Variants in ZFPM2 observed in about 807,000 individuals in gnomAD.
ZFPM2 encodes the protein zinc finger protein ZFPM2.
Under a neutral mutation model 98.6 loss-of-function variants are expected in ZFPM2, and 20 were observed. The observed-to-expected ratio is 0.20, with a 90% CI of 0.14 to 0.29. The LOEUF (loss-of-function observed/expected upper bound fraction) is 0.29. Among genes scored for constraint, ZFPM2 ranks in the 10% least tolerant of loss-of-function variants. The pLI is 1.00. For missense variants in ZFPM2, 1,310 were observed against 1,388.6 expected, an observed-to-expected ratio of 0.94 and a Z score of 0.90; for synonymous variants, 518 against 502.7, an observed-to-expected ratio of 1.03 and a Z score of -0.41.
chr8:105,739,289 A>G (rs961301923), intron 5 of ZFPM2, among the ~76,000 whole-genome samples: 1 of 152,088 alleles, frequency 6.6e-6, no homozygotes, highest in Non-Finnish European at 1.5e-5. Context: ...TTAGCATGGT[A>G]ACGGATACAG....
At chr8:105,357,087 C>T (rs891147784) in intron 1 of ZFPM2, among the ~76,000 whole-genome samples, 6 of 140,006 alleles carry the variant, frequency 4.3e-5, no homozygotes, top group South Asian at 2.3e-4. Context: ...GCTTCTGTTC[C>T]GGTGAAGTAG....
At chr8:105,497,748 C>T (rs1813504266) in intron 3 of ZFPM2, among the ~76,000 whole-genome samples, 2 of 151,938 alleles carry the variant, frequency 1.3e-5, no homozygotes, top group Non-Finnish European at 2.9e-5. Flanking sequence ...GGTCGATAGG[C>T]GGTAGTGAGA....
chr8:105,364,512 C>T (rs1165097132), intron 1 of ZFPM2, among the ~76,000 whole-genome samples: 2 of 152,016 alleles, frequency 1.3e-5, no homozygotes, highest in Non-Finnish European at 2.9e-5. Flanking sequence ...ACAAATGTGT[C>T]AGAGTCCATT....
chr8:105,493,547 A>G (rs1813397994), intron 3 of ZFPM2, among the ~76,000 whole-genome samples: 1 of 152,198 alleles, frequency 6.6e-6, no homozygotes, highest in South Asian at 2.1e-4. Flanking sequence ...ACTTGATGAC[A>G]TCATCCGGTT....
rs566165533 is a variant in ZFPM2 at position 105,647,266 on chromosome 8, TTTC to T, written c.532+12915_532+12917del. ...TGTCTCTTTGCCCTTATCACCTTGT[TTTC>T]TTCTTTACTGTCGTTTTAGTAAAAG... On this transcript the variant is annotated intron_variant, in intron 5 of 7. Transcript: ENST00000407775. 4.6e-5 allele frequency among the ~76,000 whole-genome samples: 7 copies of T among 152,358 alleles called. No homozygotes were observed. In the South Asian group the frequency reaches 1.5e-3, roughly 32 times the overall value.
intron 1 of ZFPM2, among the ~76,000 whole-genome samples, chr8:105,359,916 G>A (rs1176039414): frequency 1.3e-5 from 2 of 152,100 alleles, no homozygotes; most frequent in African/African-American, 2.4e-5. Context: ...GAGCTAGATC[G>A]CTATGATGAG....
intron 4 of ZFPM2, among the ~76,000 whole-genome samples, chr8:105,609,977 A>G (rs1156625153): frequency 6.6e-6 from 1 of 152,174 alleles, no homozygotes; most frequent in African/African-American, 2.4e-5. Context: ...TCAGCAGTCC[A>G]GATGGAACTA....
At chr8:105,690,088 T>G (rs1810842242) in intron 5 of ZFPM2, among the ~76,000 whole-genome samples, 1 of 152,198 alleles carries the variant, frequency 6.6e-6, no homozygotes, top group Non-Finnish European at 1.5e-5. Context: ...TGCATAGCCT[T>G]GAACTAGTGT....
chr8:105,466,040 G>A (rs999414041), intron 3 of ZFPM2, among the ~76,000 whole-genome samples: 8 of 152,084 alleles, frequency 5.3e-5, no homozygotes, highest in African/African-American at 1.9e-4. Flanking sequence ...TCTGTTGTAG[G>A]AAATAGCTGA....
chr8:105,712,016 T>G (rs1000963569), intron 5 of ZFPM2, among the ~76,000 whole-genome samples: 3 of 152,092 alleles, frequency 2.0e-5, no homozygotes, highest in African/African-American at 7.2e-5. Flanking sequence ...CCAGAGTTAA[T>G]TCAGCAACAA....
intron 4 of ZFPM2, among the ~76,000 whole-genome samples, chr8:105,625,971 GA>G (rs529659546): frequency 0.023 from 3,159 of 138,444 alleles, 102 homozygotes; most frequent in African/African-American, 0.071. Flanking sequence ...CTATTTTCTG[GA>G]AAAAAAAAAA....
At chr8:105,351,615 A>C (rs1373933123) in intron 1 of ZFPM2, among the ~76,000 whole-genome samples, 1 of 152,210 alleles carries the variant, frequency 6.6e-6, no homozygotes, top group Non-Finnish European at 1.5e-5. Context: ...AGATGAGAAT[A>C]AGACTCAGAA....
At chr8:105,363,436 T>C (rs538031486) in intron 1 of ZFPM2, among the ~76,000 whole-genome samples, 3 of 152,278 alleles carry the variant, frequency 2.0e-5, no homozygotes, top group African/African-American at 7.2e-5. Context: ...GTTTTTTAAT[T>C]TTAATGAGGG....
intron 1 of ZFPM2, among the ~76,000 whole-genome samples, chr8:105,400,720 G>A (rs1004363260): frequency 3.9e-5 from 6 of 151,974 alleles, no homozygotes; most frequent in East Asian, 1.9e-4. Flanking sequence ...TTTTTATTCC[G>A]TACATGCTTT....
chr8:105,673,943 T>C (rs780900071), intron 5 of ZFPM2, among the ~76,000 whole-genome samples: 1 of 152,222 alleles, frequency 6.6e-6, no homozygotes, highest in Non-Finnish European at 1.5e-5. Context: ...CTTGTTATGA[T>C]ATTAAAACTA....
At position 105,581,814 on chromosome 8, in the gene ZFPM2, C is replaced by T. The variant is rs114352739; in HGVS notation, c.420+20333C>T. On this transcript the variant is annotated intron_variant, in intron 4 of 7. Coordinates refer to ENST00000407775, the MANE Select transcript of ZFPM2 (RefSeq NM_012082.4). ...TATCTCACTCAAATTTATTTAGACCCCCATCAGCCCTGCTCTTTCTTGTGC... is the reference window on the plus strand; with the variant it reads ...TATCTCACTCAAATTTATTTAGACCTCCATCAGCCCTGCTCTTTCTTGTGC... 8.3e-3 allele frequency among the ~76,000 whole-genome samples: 1,269 copies of T among 152,214 alleles called. 16 individuals carry two copies. Among genetic ancestry groups the T allele is most frequent in the African/African-American group, 0.029 (1,187 of 41,514 alleles).
intron 4 of ZFPM2, among the ~76,000 whole-genome samples, chr8:105,578,965 G>T (rs1246945936): frequency 6.6e-6 from 1 of 152,034 alleles, no homozygotes; most frequent in African/African-American, 2.4e-5. Flanking sequence ...GATGAAGTTT[G>T]TTATTATTCT....
chr8:105,418,302 T>C (rs1237569241), intron 1 of ZFPM2, among the ~76,000 whole-genome samples: 1 of 152,136 alleles, frequency 6.6e-6, no homozygotes, highest in Non-Finnish European at 1.5e-5. Context: ...TTCTACTTAT[T>C]AAAATGAGTT....
chr8:105,769,836 G>A (rs1237587977), intron 5 of ZFPM2, among the ~76,000 whole-genome samples: 1 of 151,340 alleles, frequency 6.6e-6, no homozygotes, highest in African/African-American at 2.4e-5. Context: ...GGCTATAACC[G>A]AAGGCATCAA....
Sources: allele counts gnomAD v4.1 joint callset (sites outside exome capture counted in the v4.1 genomes callset), GRCh38; gene constraint gnomAD v4.1.1; transcripts MANE v1.5; gene names NCBI Gene and HGNC (gene_info 2026-07-23, HGNC 2026-07-21).